Variants in VKORC1L1 observed in about 807,000 individuals in gnomAD.
The protein encoded by VKORC1L1 is vitamin K epoxide reductase complex subunit 1-like protein 1.
In VKORC1L1, 2 loss-of-function variants were observed where a neutral mutation model predicts 18.9. The observed-to-expected ratio is 0.11, with a 90% CI of 0.04 to 0.33. VKORC1L1 has a LOEUF of 0.33. Ranked by LOEUF, VKORC1L1 falls within the 10% of genes least tolerant of loss-of-function variation. The pLI is 1.00. For missense variants in VKORC1L1, 123 were observed against 224.1 expected (o/e 0.55, Z 2.88); for synonymous variants, 96 against 100.0 (o/e 0.96, Z 0.24).
chr7:65,942,517 T>C lies in VKORC1L1; in HGVS notation c.195-6154T>C, dbSNP rs1008163398. ...AAAAAAAAAAAAAAAAAAAGACTTG[T>C]TGAATTTTTTTCTTTTCTTTTCTTT... On this transcript the variant is annotated intron_variant, in intron 1 of 2. Coordinates refer to ENST00000360768, the MANE Select transcript of VKORC1L1 (RefSeq NM_173517.6). 5.6e-4 allele frequency among the ~76,000 whole-genome samples: 85 copies of C among 150,636 alleles called. 1 individual carries two copies. The highest frequency in any genetic ancestry group is 2.0e-3 in the African/African-American group (82 of 41,164).
intron 1 of VKORC1L1, among the ~76,000 whole-genome samples, chr7:65,906,065 A>G (rs1789400928): frequency 6.6e-6 from 1 of 151,418 alleles, no homozygotes; most frequent in Non-Finnish European, 1.5e-5. Context: ...CTAGAATGTG[A>G]GCGTTTTGAA....
intron 1 of VKORC1L1, among the ~76,000 whole-genome samples, chr7:65,944,530 C>T (rs1790086328): frequency 6.6e-6 from 1 of 151,822 alleles, no homozygotes; most frequent in Admixed American, 6.6e-5. Flanking sequence ...TTTCTCTTTA[C>T]CATAGCAAAA....
At chr7:65,894,385 A>G (rs538146575) in intron 1 of VKORC1L1, among the ~76,000 whole-genome samples, 205 of 152,210 alleles carry the variant, frequency 1.3e-3, no homozygotes, top group African/African-American at 4.7e-3. Context: ...ATTTTGTTAC[A>G]CAATTTTGTG....
Position 65,957,220 on chromosome 7 carries a change from C to T in VKORC1L1, c.*2920C>T, listed in dbSNP as rs1391172931. On this transcript the variant is annotated 3_prime_UTR_variant, in exon 3 of 3. Transcript: ENST00000360768. Reference sequence around the variant, plus strand: ...ATTCGGCCGGGCACGGTGGCTCACGCCTATAATCCCAGCACTTTGGGAGGC... The same window carrying T: ...ATTCGGCCGGGCACGGTGGCTCACGTCTATAATCCCAGCACTTTGGGAGGC... The T allele has an allele frequency of 6.6e-6, 1 of 152,388 alleles. No homozygotes were observed. Among genetic ancestry groups the T allele is most frequent in the South Asian group, 2.1e-4 (1 of 4,830 alleles). 9.4% of individuals were successfully genotyped at this position (152,388 alleles called of 1,614,324 possible).
intron 1 of VKORC1L1, among the ~76,000 whole-genome samples, chr7:65,917,322 T>G (rs978103295): frequency 2.0e-5 from 3 of 152,196 alleles, no homozygotes; most frequent in Admixed American, 2.0e-4. Context: ...ATCCTTCCAT[T>G]CTGCTGTGCA....
At chr7:65,867,122 G>T in the VKORC1L1 span, among the ~76,000 whole-genome samples, 1 of 152,136 alleles carries the variant, frequency 6.6e-6, no homozygotes, top group Non-Finnish European at 1.5e-5. Context: ...AGGAAGCAGA[G>T]GTTGCAGTGA....
At chr7:65,913,745 G>T (rs1344749018) in intron 1 of VKORC1L1, among the ~76,000 whole-genome samples, 1 of 102,320 alleles carries the variant, frequency 9.8e-6, no homozygotes, top group Non-Finnish European at 1.9e-5. Flanking sequence ...AAAAAAAAGG[G>T]AGGGGGGTGG....
intron 1 of VKORC1L1, among the ~76,000 whole-genome samples, chr7:65,905,046 T>C (rs1002468641): frequency 1.3e-5 from 2 of 152,212 alleles, no homozygotes; most frequent in Non-Finnish European, 2.9e-5. Flanking sequence ...GGTATGTATA[T>C]ATATACACCT....
intron 1 of VKORC1L1, among the ~76,000 whole-genome samples, chr7:65,905,337 G>A (rs1789389100): frequency 6.6e-6 from 1 of 151,820 alleles, no homozygotes; most frequent in Middle Eastern, 3.4e-3. Context: ...TTGAGATGGA[G>A]TCTCGCTCTG....
At chr7:65,951,425 T>C (rs1305872285) in intron 2 of VKORC1L1, among the ~76,000 whole-genome samples, 2 of 151,892 alleles carry the variant, frequency 1.3e-5, no homozygotes, top group African/African-American at 2.4e-5. Flanking sequence ...AATACAAAAA[T>C]TAGCCAGGTG....
chr7:65,905,072 CAT>C (rs978844851), intron 1 of VKORC1L1, among the ~76,000 whole-genome samples: 5 of 152,042 alleles, frequency 3.3e-5, no homozygotes, highest in Admixed American at 6.5e-5. Context: ...CATACACACA[CAT>C]ATGCATACAA....
intron 1 of VKORC1L1, among the ~76,000 whole-genome samples, chr7:65,930,077 T>C (rs1789834411): frequency 6.6e-6 from 1 of 152,194 alleles, no homozygotes; most frequent in Non-Finnish European, 1.5e-5. Context: ...TTCTAATAGT[T>C]CATTACTAGA....
rs1384516501 is a variant in VKORC1L1 at position 65,873,159 on chromosome 7, C to G, written c.-213C>G. ...CCCGCGCGCGCCTTCCCCGCCCCGT[C>G]CGCCTCACTCCTTTTGGGGCGGTTG... On this transcript the variant is annotated 5_prime_UTR_variant, in exon 1 of 3. Transcript: ENST00000360768. 2.0e-6 allele frequency: 1 copy of G among 498,056 alleles called. No individual in the cohort carries two copies. Among genetic ancestry groups the G allele is most frequent in the Non-Finnish European group, 2.6e-6 (1 of 385,166 alleles). The allele number at this position is 498,056 out of a possible 1,614,324, so 30.9% of individuals were successfully genotyped here.
chr7:65,950,294 TTTGTA>T (rs1227381561), intron 2 of VKORC1L1, among the ~76,000 whole-genome samples: 127 of 152,234 alleles, frequency 8.3e-4, no homozygotes, highest in African/African-American at 3.0e-3. Context: ...GTGTTATGAA[TTTGTA>T]TTGTATTAAG....
At chr7:65,938,161 T>C (rs1370491583) in intron 1 of VKORC1L1, among the ~76,000 whole-genome samples, 2 of 151,640 alleles carry the variant, frequency 1.3e-5, no homozygotes, top group Non-Finnish European at 2.9e-5. Flanking sequence ...TGAGCAGAGA[T>C]CAAGCCGCTG....
At chr7:65,890,213 C>T (rs1441915181) in intron 1 of VKORC1L1, among the ~76,000 whole-genome samples, 2 of 148,730 alleles carry the variant, frequency 1.3e-5, no homozygotes, top group Admixed American at 6.8e-5. Flanking sequence ...TTACTGCAGC[C>T]TCCACCTCCT....
intron 1 of VKORC1L1, among the ~76,000 whole-genome samples, chr7:65,921,326 T>C (rs983081491): frequency 1.1e-4 from 16 of 152,210 alleles, no homozygotes; most frequent in Admixed American, 3.3e-4. Flanking sequence ...TTCCTTGCCT[T>C]CTTTTGGATT....
rs1789373321 is a variant in VKORC1L1 at position 65,904,595 on chromosome 7, T to TAGA, written c.194+31032_194+31034dup. Among the ~76,000 whole-genome samples the TAGA allele has an allele frequency of 4.6e-5, 7 of 152,252 alleles. No homozygotes were observed. In the South Asian group the frequency reaches 1.5e-3, roughly 32 times the overall value. On this transcript the variant is annotated intron_variant, in intron 1 of 2. Transcript: ENST00000360768. ...AGTTAACAATGTATAATTTAAAACC[T>TAGA]AGAACAACTACCATAAAAATTAAAG...
intron 2 of VKORC1L1, among the ~76,000 whole-genome samples, chr7:65,950,594 C>T (rs1007554509): frequency 1.3e-5 from 2 of 151,402 alleles, no homozygotes; most frequent in Non-Finnish European, 2.9e-5. Context: ...AAGATGTGTG[C>T]ACAAGGATAT....
Sources: gnomAD v4.1 joint callset for allele counts (sites outside exome capture counted in the v4.1 genomes callset) on GRCh38, gnomAD v4.1.1 for gene constraint, MANE v1.5 for transcripts, NCBI Gene and HGNC (gene_info 2026-07-23, HGNC 2026-07-21) for gene names.